Variants in PLCH1 observed in about 807,000 individuals in gnomAD.
PLCH1 encodes the protein phospholipase C eta 1.
A neutral mutation model predicts 126.7 loss-of-function variants in PLCH1; 60 were observed. That is an observed-to-expected ratio of 0.47 (90% CI 0.38 to 0.59). The LOEUF (loss-of-function observed/expected upper bound fraction) is 0.59, where lower values mean the gene tolerates loss of function less well. Ranked by LOEUF, PLCH1 falls within the 20% of genes least tolerant of loss-of-function variation. PLCH1 has a pLI of 0.00. For synonymous variants in PLCH1, 719 were observed against 734.9 expected, an observed-to-expected ratio of 0.98 and a Z score of 0.35; for missense variants, 1,723 against 2,040.0, an observed-to-expected ratio of 0.84 and a Z score of 2.99.
chr3:155,549,741 T>G (rs371181989), intron 10 of PLCH1, 46 bp downstream of exon 10: 5 of 1,354,442 alleles, frequency 3.7e-6, no homozygotes, highest in African/African-American at 1.4e-5. Context: ...GAGGGCAGGC[T>G]TAGCTGATAA....
intron 21 of PLCH1, among the ~76,000 whole-genome samples, chr3:155,461,250 T>C (rs1475093447): frequency 6.6e-6 from 1 of 152,204 alleles, no homozygotes; most frequent in Admixed American, 6.5e-5. Flanking sequence ...TACAGACATA[T>C]CACAAGTTAG....
intron 2 of PLCH1, among the ~76,000 whole-genome samples, chr3:155,614,881 C>T (rs1163035244): frequency 1.3e-5 from 2 of 152,070 alleles, no homozygotes; most frequent in African/African-American, 4.8e-5. Context: ...TAAGCAAAGA[C>T]TTCATGACCA....
intron 4 of PLCH1, among the ~76,000 whole-genome samples, chr3:155,593,621 G>A (rs969424204): frequency 6.6e-6 from 1 of 152,174 alleles, no homozygotes; most frequent in African/African-American, 2.4e-5. Context: ...TGATTTAAAA[G>A]AGGCAATGAT....
intron 1 of PLCH1, among the ~76,000 whole-genome samples, chr3:155,740,372 A>G (rs1749526602): frequency 6.7e-6 from 1 of 149,446 alleles, no homozygotes; most frequent in Non-Finnish European, 1.5e-5. Flanking sequence ...GATCTACTGC[A>G]CTCTAGCCTG....
chr3:155,599,288 G>A (rs1459920193), intron 2 of PLCH1, among the ~76,000 whole-genome samples: 2 of 152,096 alleles, frequency 1.3e-5, no homozygotes, highest in Non-Finnish European at 2.9e-5. Flanking sequence ...AATACTATGG[G>A]AGGCCAAAGA....
At position 155,485,430 on chromosome 3, in the gene PLCH1, C is replaced by T. The variant is rs1476820566; in HGVS notation, c.2900G>A (p.Arg967Lys). Reference protein sequence around the residue: ...QARPVSMPVDRNLLGALSLPV... With the variant: ...QARPVSMPVDKNLLGALSLPV... ...CAGCGACAAAGCTCCCAGAAGGTTTCTGTCAACAGGCATAGAGACAGGGCG... is the reference window on the plus strand; with the variant it reads ...CAGCGACAAAGCTCCCAGAAGGTTTTTGTCAACAGGCATAGAGACAGGGCG... Residue 967 changes from arginine (R) to lysine (K), a missense_variant, in exon 22 of 23, where the codon AGA becomes AAA. By Grantham distance (26) the Arg-to-Lys change is conservative. Coordinates refer to ENST00000460012, the MANE Select transcript of PLCH1 (RefSeq NM_014996.4). The T allele has an allele frequency of 1.4e-5, 23 of 1,612,200 alleles. No individual in the cohort carries two copies. Among genetic ancestry groups the T allele is most frequent in the Non-Finnish European group, 2.0e-5 (23 of 1,178,294 alleles).
chr3:155,743,036 C>A (rs78617401), intron 1 of PLCH1: 1 of 269,488 alleles, frequency 3.7e-6, no homozygotes, highest in African/African-American at 2.4e-5. Context: ...TATGTTAATT[C>A]TAACCAATGT....
chr3:155,731,486 C>A (rs1412639590), intron 1 of PLCH1, among the ~76,000 whole-genome samples: 1 of 152,180 alleles, frequency 6.6e-6, no homozygotes, highest in African/African-American at 2.4e-5. Flanking sequence ...CGTCTGCCCA[C>A]CTACTGACCC....
rs189061164 is a variant in PLCH1 at position 155,624,699 on chromosome 3, C to G, written c.80-28321G>C. ...ACAACTTACAAGGGATGTGAAGGAC[C>G]TCTTCAAGGAGAACTACAAACCACC... On this transcript the variant is annotated intron_variant, in intron 2 of 22. Coordinates refer to ENST00000460012, the MANE Select transcript of PLCH1 (RefSeq NM_014996.4). 1.2e-4 allele frequency among the ~76,000 whole-genome samples: 18 copies of G among 152,224 alleles called. No homozygotes were observed. In the East Asian group the frequency reaches 3.5e-3, roughly 29 times the overall value.
chr3:155,651,464 G>T (rs1023278574), intron 2 of PLCH1, among the ~76,000 whole-genome samples: 8 of 152,080 alleles, frequency 5.3e-5, no homozygotes, highest in Admixed American at 5.2e-4. Context: ...AAGTTGGGGG[G>T]TTGGAGGGGG....
chr3:155,505,813 C>A (rs967515586), intron 12 of PLCH1, among the ~76,000 whole-genome samples: 3 of 151,892 alleles, frequency 2.0e-5, no homozygotes, highest in African/African-American at 7.3e-5. Context: ...ATAGACATAG[C>A]ACTGCTCTCC....
chr3:155,482,059 A>C lies in PLCH1; in HGVS notation c.3967T>G (p.Cys1323Gly). The change falls in exon 23 of 23, where the codon TGC becomes GGC. Residue 1323 changes from cysteine (C) to glycine (G), a missense_variant. Physicochemically the swap from Cys to Gly is radical, Grantham distance 159 (BLOSUM62 -3). Around this residue, in one of 2 missense-constraint regions of PLCH1, gnomAD observed 947 missense variants for 977.1 expected, o/e 0.97. Coordinates refer to ENST00000460012, the MANE Select transcript of PLCH1 (RefSeq NM_014996.4). Reference sequence around the variant, plus strand: ...AAATCAGGGGAAGAGGCAGGGCTGCAGCTCTTCAGTGTTTCCCAGTCTTCT... The same window carrying C: ...AAATCAGGGGAAGAGGCAGGGCTGCCGCTCTTCAGTGTTTCCCAGTCTTCT... ...KGEDWETLKS[C>G]SPASSPDLTL... The C allele has an allele frequency of 6.2e-7, 1 of 1,614,160 alleles. No homozygotes were observed. The highest frequency in any genetic ancestry group is 8.5e-7 in the Non-Finnish European group (1 of 1,179,998).
At position 155,624,712 on chromosome 3, in the gene PLCH1, A is replaced by G. The variant is rs1234065976; in HGVS notation, c.80-28334T>C. Among the ~76,000 whole-genome samples, 3 of 152,200 alleles carry G rather than the reference A, an allele frequency of 2.0e-5. 1 individual carries two copies. In the Middle Eastern group the frequency reaches 9.5e-3, roughly 482 times the overall value. On this transcript the variant is annotated intron_variant, in intron 2 of 22. Transcript: ENST00000460012. ...GATGTGAAGGACCTCTTCAAGGAGA[A>G]CTACAAACCACCGCTCAAGGAAATA... is the stretch of plus-strand genomic sequence containing the variant.
Position 155,514,806 on chromosome 3 carries a change from G to C in PLCH1, c.1549C>G (p.Arg517Gly), listed in dbSNP as rs370011945. The change falls in exon 12 of 23, where the codon CGA (arginine) becomes GGA (glycine). Residue 517 changes from arginine to glycine, a missense_variant. This residue lies in a region of PLCH1 where 776 missense variants were observed against 1,062.9 expected (regional missense o/e 0.73). Transcript: ENST00000460012. ...LESLLKESQI[R>G]DKEDPDSFTV... is the part of the protein sequence containing the mutation. ...AAACTATCAGGATCTTCTTTATCTC[G>C]AATTTGAGATTCTTTTAACAGTGAC... 6.2e-7 allele frequency: 1 copy of C among 1,612,180 alleles called. No individual in the cohort carries two copies. The highest frequency in any genetic ancestry group is 2.2e-5 in the East Asian group (1 of 44,846).
At position 155,608,627 on chromosome 3, in the gene PLCH1, C is replaced by T. The variant is rs189243097; in HGVS notation, c.80-12249G>A. The stretch of plus-strand genomic sequence containing the variant: ...CCACTTCTCTGGAAACCTGTATGCG[C>T]AGTGAGGCAGCCGTAATTACTCTTG... On this transcript the variant is annotated intron_variant, in intron 2 of 22. Coordinates refer to ENST00000460012, the MANE Select transcript of PLCH1 (RefSeq NM_014996.4). Among the ~76,000 whole-genome samples, 523 of 152,082 alleles carry T rather than the reference C, an allele frequency of 3.4e-3. 2 individuals are homozygous for T. Among genetic ancestry groups the T allele is most frequent in the Admixed American group, 5.5e-3 (84 of 15,276 alleles).
chr3:155,599,757 T>A (rs2108671374), intron 2 of PLCH1, among the ~76,000 whole-genome samples: 1 of 152,298 alleles, frequency 6.6e-6, no homozygotes, highest in East Asian at 1.9e-4. Flanking sequence ...GAGTTAACTA[T>A]ACTATCAGAG....
At chr3:155,711,031 C>G (rs543651068) in intron 1 of PLCH1, among the ~76,000 whole-genome samples, 1 of 141,872 alleles carries the variant, frequency 7.0e-6, no homozygotes, top group South Asian at 2.4e-4. Context: ...TGCTTAATAA[C>G]TACTAATATG....
At chr3:155,475,940 A>T (rs1048448719), downstream of PLCH1, among the ~76,000 whole-genome samples, 4 of 152,174 alleles carry the variant, frequency 2.6e-5, no homozygotes, top group African/African-American at 9.6e-5. Context: ...TAGAGGAAGA[A>T]GGAACACTTC....
rs138399759 is a variant in PLCH1, at chr3:155,645,714, C to T, written c.80-49336G>A. Among the ~76,000 whole-genome samples, 771 of 152,188 alleles carry T rather than the reference C, an allele frequency of 5.1e-3. 7 individuals are homozygous for T. The highest frequency in any genetic ancestry group is 0.018 in the African/African-American group (732 of 41,514). On this transcript the variant is annotated intron_variant, in intron 2 of 22. Transcript: ENST00000460012. ...CAGGCTTGAACTCCAGTCCTCCTGC[C>T]TCAGCCTCCCAAAGTGCTGGGAGAA...
Sources: gnomAD v4.1 joint callset for allele counts (sites outside exome capture counted in the v4.1 genomes callset) on GRCh38, gnomAD v4.1.1 for gene constraint, gnomAD v4.1.1 regional missense constraint, MANE v1.5 for transcripts, NCBI Gene and HGNC (gene_info 2026-07-23, HGNC 2026-07-21) for gene names.